IBA57: variants seen among roughly 807,000 people sequenced by gnomAD.
IBA57 encodes the protein iron-sulfur cluster assembly factor IBA57, mitochondrial.
In IBA57, 20 loss-of-function variants were observed where a neutral mutation model predicts 20.4. That is an observed-to-expected ratio of 0.98 (90% CI 0.69 to 1.42). IBA57 has a LOEUF of 1.42. Among genes scored for constraint, IBA57 ranks in the 40% most tolerant of loss-of-function variants. The pLI is 0.00. For missense variants in IBA57, 608 were observed against 499.3 expected (o/e 1.22, Z -2.07); for synonymous variants, 310 against 233.9 (o/e 1.33, Z -2.97).
In IBA57 at chr1:228,166,108, CACTTCCT is replaced by C. The variant is rs978159931; in HGVS notation, c.293_299del (p.His98ArgfsTer151). The C allele has an allele frequency of 3.9e-5, 60 of 1,537,186 alleles. No individual in the cohort carries two copies. Among genetic ancestry groups the C allele is most frequent in the Non-Finnish European group, 5.1e-5 (58 of 1,144,156 alleles). ...GCCTGCTGCGCGCGCGGGCTACGCCCACTTCCTGAACGTGCAGGGCCGGACGCTCTAT... is the reference window on the plus strand; with the variant it reads ...GCCTGCTGCGCGCGCGGGCTACGCCCGAACGTGCAGGGCCGGACGCTCTAT... On this transcript the variant is annotated frameshift_variant, in exon 1 of 3. Coordinates refer to ENST00000366711, the MANE Select transcript of IBA57 (RefSeq NM_001010867.4). LOFTEE classifies it high-confidence loss of function.
intron 1 of IBA57, among the ~76,000 whole-genome samples, chr1:228,167,121 G>A (rs1458983076): frequency 6.6e-6 from 1 of 152,196 alleles, no homozygotes; most frequent in African/African-American, 2.4e-5. Flanking sequence ...ATTTGTATGT[G>A]AACTGTGTTT....
At position 228,177,405 on chromosome 1, in the gene IBA57, G is replaced by A. The variant is rs2035043350; in HGVS notation, c.*1892G>A. 6.6e-6 allele frequency: 1 copy of A among 151,828 alleles called. No homozygotes were observed. Among genetic ancestry groups the A allele is most frequent in the Non-Finnish European group, 1.5e-5 (1 of 68,038 alleles). 9.4% of individuals were successfully genotyped at this position (151,828 alleles called of 1,614,324 possible). A position where few individuals can be genotyped will look rare whatever the true frequency, so the allele number is the denominator to read the frequency against. ...GCCTGAGCCATCCTGTGCCCCCTCA[G>A]TGTCTTCAGGTCTCTGCAGGTGTCA... On this transcript the variant is annotated 3_prime_UTR_variant, in exon 3 of 3. Coordinates refer to ENST00000366711, the MANE Select transcript of IBA57 (RefSeq NM_001010867.4).
At position 228,175,248 on chromosome 1, in the gene IBA57, C is replaced by G. The variant is rs901293997; in HGVS notation, c.806C>G (p.Thr269Ser). The change falls in exon 3 of 3, where the codon ACC (threonine) becomes AGC (serine). Residue 269 changes from threonine (T) to serine (S), a missense_variant. Thr to Ser is a moderately conservative substitution (Grantham distance 58). Transcript: ENST00000366711. ...ATTGGCCAGGAGCTGACGGCCCGCA[C>G]CCACCACATGGGCGTCATCCGCAAG... ...CYIGQELTARTHHMGVIRKRL... is the reference protein window; with the variant it reads ...CYIGQELTARSHHMGVIRKRL... The G allele has an allele frequency of 2.5e-6, 4 of 1,612,836 alleles. No homozygotes were observed. The highest frequency in any genetic ancestry group is 3.4e-6 in the Non-Finnish European group (4 of 1,179,996).
rs1359669538 is a variant in IBA57 at position 228,175,291 on chromosome 1, G to T, written c.849G>T (p.Arg283=). 1 of 1,612,890 alleles carries T rather than the reference G, an allele frequency of 6.2e-7. No homozygotes were observed. The highest frequency in any genetic ancestry group is 2.2e-5 in the East Asian group (1 of 44,876). ...GVIRKRLFPV[R]FLDPLPTSGI... is the part of the protein sequence containing the mutation. ...TCCGCAAGCGCCTCTTCCCTGTCCGGTTCTTGGACCCCCTTCCCACCAGTG... is the reference window on the plus strand; with the variant it reads ...TCCGCAAGCGCCTCTTCCCTGTCCGTTTCTTGGACCCCCTTCCCACCAGTG... The change falls in exon 3 of 3, where the codon CGG becomes CGT. Residue 283 remains arginine, a synonymous_variant. Transcript: ENST00000366711.
Position 228,175,682 on chromosome 1 carries a change from T to C in IBA57, c.*169T>C, listed in dbSNP as rs2035007385. 2 of 842,860 alleles carry C rather than the reference T, an allele frequency of 2.4e-6. No homozygotes were observed. Among genetic ancestry groups the C allele is most frequent in the Non-Finnish European group, 3.4e-6 (2 of 585,360 alleles). The allele number at this position is 842,860 out of a possible 1,614,324, so 52.2% of individuals were successfully genotyped here. Reference sequence around the variant, plus strand: ...GTGCCCTGCCTGGCCCCACCCATGCTCAGGGGCCCCAGGCACGTGGGTTGT... The same window carrying C: ...GTGCCCTGCCTGGCCCCACCCATGCCCAGGGGCCCCAGGCACGTGGGTTGT... On this transcript the variant is annotated 3_prime_UTR_variant, in exon 3 of 3. Transcript: ENST00000366711.
Position 228,170,534 on chromosome 1 carries a change from T to A in IBA57, c.342-4158T>A, listed in dbSNP as rs946278310. 7.9e-5 allele frequency among the ~76,000 whole-genome samples: 12 copies of A among 152,088 alleles called. No individual in the cohort carries two copies. The highest frequency in any genetic ancestry group is 2.9e-5 in the Non-Finnish European group (2 of 68,012). ...TCTTGAACTCCTGGGCTCAGGCGAT[T>A]CTCCTGCCTCAGCTTCACAAAGTGT... On this transcript the variant is annotated intron_variant, in intron 1 of 2. Coordinates refer to ENST00000366711, the MANE Select transcript of IBA57 (RefSeq NM_001010867.4). The surrounding 1 kb of genome is among the most constrained non-coding windows in gnomAD (Gnocchi z 4.8).
chr1:228,172,666 G>A (rs2034944593), intron 1 of IBA57: 1 of 152,264 alleles, frequency 6.6e-6, no homozygotes, highest in Non-Finnish European at 1.5e-5. Flanking sequence ...GGAAGTGAGA[G>A]GGCCAGGTCG....
rs1420212188 is a variant in IBA57 at position 228,175,331 on chromosome 1, G to T, written c.889G>T (p.Ala297Ser). Residue 297 changes from alanine to serine, a missense_variant, in exon 3 of 3, where the codon GCC becomes TCC. Physicochemically the swap from Ala to Ser is moderately conservative, Grantham distance 99. Transcript: ENST00000366711. ...PLPTSGITPG[A>S]TVLTASGQTV... ...TCCCACCAGTGGCATCACCCCTGGT[G>T]CCACGGTGCTGACTGCCTCAGGACA... The T allele has an allele frequency of 6.2e-7, 1 of 1,612,960 alleles. No homozygotes were observed. The highest frequency in any genetic ancestry group is 2.2e-5 in the East Asian group (1 of 44,884).
rs1013613572 is a variant in IBA57, at chr1:228,179,658, C to T, written c.*4145C>T. On this transcript the variant is annotated 3_prime_UTR_variant, in exon 3 of 3. Transcript: ENST00000366711. ...CAAGCAGCATAGTTAAAAAGCTCTA[C>T]CCAAACAGTCACGTCTTGGTGAAAG... The T allele has an allele frequency of 7.9e-5, 12 of 152,148 alleles. No individual in the cohort carries two copies. Among genetic ancestry groups the T allele is most frequent in the Non-Finnish European group, 1.8e-4 (12 of 68,030 alleles). 9.4% of individuals were successfully genotyped at this position (152,148 alleles called of 1,614,324 possible). A position where few individuals can be genotyped will look rare whatever the true frequency, so the allele number is the denominator to read the frequency against.
chr1:228,174,611 G>C (rs1202720527), intron 1 of IBA57, 81 bp from the exon 2 acceptor site: 11 of 1,326,404 alleles, frequency 8.3e-6, no homozygotes, highest in African/African-American at 1.5e-5. Flanking sequence ...CTCTGCCCGG[G>C]TAAGGCGCGC....
In IBA57 at chr1:228,166,096, G is replaced by C. The variant is rs905725497; in HGVS notation, c.280G>C (p.Ala94Pro). Residue 94 changes from alanine to proline, a missense_variant, in exon 1 of 3, where the codon GCG (alanine) becomes CCG (proline). By Grantham distance (27) the Ala-to-Pro change is conservative. Coordinates refer to ENST00000366711, the MANE Select transcript of IBA57 (RefSeq NM_001010867.4). ...CGCGGGGGCCCCGCCTGCTGCGCGC[G>C]CGGGCTACGCCCACTTCCTGAACGT... ...AAAGAPPAAR[A>P]GYAHFLNVQG... 4 of 1,537,594 alleles carry C rather than the reference G, an allele frequency of 2.6e-6. No homozygotes were observed. In the Admixed American group the frequency reaches 8.0e-5, roughly 31 times the overall value.
In IBA57 at chr1:228,181,133, T is replaced by C. The variant is rs1012387890; in HGVS notation, c.*5620T>C. On this transcript the variant is annotated 3_prime_UTR_variant, in exon 3 of 3. Transcript: ENST00000366711. ...CTCCACTCTCCAAGGGCGGAGTTAA[T>C]GTTATGAAAGGGTAAGTCCAGCCCG... is the stretch of plus-strand genomic sequence containing the variant. 1 of 152,114 alleles carries C rather than the reference T, an allele frequency of 6.6e-6. No individual in the cohort carries two copies. Among genetic ancestry groups the C allele is most frequent in the Admixed American group, 6.6e-5 (1 of 15,256 alleles). 9.4% of individuals were successfully genotyped at this position (152,114 alleles called of 1,614,324 possible). A position where few individuals can be genotyped will look rare whatever the true frequency, so the allele number is the denominator to read the frequency against.
At position 228,182,018 on chromosome 1, in the gene IBA57, A is replaced by AG. The variant is rs1311240547; in HGVS notation, c.*6506dup. On this transcript the variant is annotated 3_prime_UTR_variant, in exon 3 of 3. Coordinates refer to ENST00000366711, the MANE Select transcript of IBA57 (RefSeq NM_001010867.4). The stretch of plus-strand genomic sequence containing the variant: ...CTTTGATTTCCCTGGCGATGGTGCT[A>AG]GCTTAGTTTGTGCGCATCGGCATTT... The AG allele has an allele frequency of 6.6e-6, 1 of 152,140 alleles. No homozygotes were observed. Among genetic ancestry groups the AG allele is most frequent in the East Asian group, 1.9e-4 (1 of 5,162 alleles). 9.4% of individuals were successfully genotyped at this position (152,140 alleles called of 1,614,324 possible).
chr1:228,172,653 C>G (rs553713235), intron 1 of IBA57: 1 of 152,362 alleles, frequency 6.6e-6, no homozygotes, highest in African/African-American at 2.4e-5. Flanking sequence ...GTGATCCATG[C>G]CCGGAAGTGA....
chr1:228,172,197 A>T (rs529779075), intron 1 of IBA57: 2 of 151,250 alleles, frequency 1.3e-5, no homozygotes, highest in African/African-American at 4.9e-5. Flanking sequence ...ACCCCTCCCC[A>T]GTTCCCCTGA....
rs2034913768 is a variant in IBA57, at chr1:228,170,832, AGGAG to A, written c.342-3854_342-3851del. On this transcript the variant is annotated intron_variant, in intron 1 of 2. Coordinates refer to ENST00000366711, the MANE Select transcript of IBA57 (RefSeq NM_001010867.4). This position sits in a 1 kb window ranked among gnomAD's most constrained non-coding sequence, Gnocchi z 4.8. ...TTGTCAGGCCTCTGGTGGCCTGGGGAGGAGGGAGGAGAGAGAAGGGAAGGAGTCA... is the reference window on the plus strand; with the variant it reads ...TTGTCAGGCCTCTGGTGGCCTGGGGAGGAGGAGAGAGAAGGGAAGGAGTCA... Among the ~76,000 whole-genome samples, 1 of 152,090 alleles carries A rather than the reference AGGAG, an allele frequency of 6.6e-6. No homozygotes were observed. Among genetic ancestry groups the A allele is most frequent in the Non-Finnish European group, 1.5e-5 (1 of 68,010 alleles).
In IBA57 at chr1:228,175,192, G is replaced by C. The variant is rs766264175; in HGVS notation, c.750G>C (p.Met250Ile). The change falls in exon 3 of 3, where the codon ATG (methionine) becomes ATC (isoleucine). Residue 250 changes from methionine (M) to isoleucine (I), a missense_variant. Physicochemically the swap from Met to Ile is conservative, Grantham distance 10. Transcript: ENST00000366711. ...CCCTGGAGTCCAACCTGGCCTTCAT[G>C]AACGGCGTGAGCTTCACCAAAGGCT... Reference protein sequence around the residue: ...ALPLESNLAFMNGVSFTKGCY... With the variant: ...ALPLESNLAFINGVSFTKGCY... The C allele has an allele frequency of 6.2e-7, 1 of 1,612,870 alleles. No homozygotes were observed. The highest frequency in any genetic ancestry group is 8.5e-7 in the Non-Finnish European group (1 of 1,179,956).
chr1:228,172,842 C>T (rs1231417694), intron 1 of IBA57: 2 of 152,322 alleles, frequency 1.3e-5, no homozygotes, highest in Non-Finnish European at 2.9e-5. Context: ...CCTGTGTTTC[C>T]CTGGTGGCGT....
chr1:228,180,862 TTGCCCAGGCTGGTCTTG>T lies in IBA57; in HGVS notation c.*5350_*5366del. Reference sequence around the variant, plus strand: ...TTGTAGAGATGGGGTTCTCACTGCATTGCCCAGGCTGGTCTTGAATTTCTGGGCTCAGGTGATCTTCC... The same window carrying T: ...TTGTAGAGATGGGGTTCTCACTGCATAATTTCTGGGCTCAGGTGATCTTCC... On this transcript the variant is annotated 3_prime_UTR_variant, in exon 3 of 3. Transcript: ENST00000366711. 1 of 151,668 alleles carries T rather than the reference TTGCCCAGGCTGGTCTTG, an allele frequency of 6.6e-6. No individual in the cohort carries two copies. The highest frequency in any genetic ancestry group is 1.5e-5 in the Non-Finnish European group (1 of 67,920). 9.4% of individuals were successfully genotyped at this position (151,668 alleles called of 1,614,324 possible).
Sources: gnomAD v4.1 joint callset for allele counts (sites outside exome capture counted in the v4.1 genomes callset) on GRCh38, gnomAD v4.1.1 for gene constraint, Gnocchi (gnomAD v3.1) non-coding constraint, MANE v1.5 for transcripts, NCBI Gene and HGNC (gene_info 2026-07-23, HGNC 2026-07-21) for gene names.